CDC20B: variants seen among roughly 807,000 people sequenced by gnomAD.
CDC20B encodes the protein cell division cycle protein 20 homolog B.
In CDC20B, 58 loss-of-function variants were observed where a neutral mutation model predicts 64.1. That is an observed-to-expected ratio of 0.90 (90% CI 0.73 to 1.13). The LOEUF is 1.13. CDC20B is among the 50% of genes most tolerant of loss of function. The probability of loss-of-function intolerance (pLI) is 0.00; values close to 1 mark genes in which losing one functional copy is unlikely to be tolerated. For synonymous variants in CDC20B, 243 were observed against 230.6 expected, an observed-to-expected ratio of 1.05 and a Z score of -0.49; for missense variants, 597 against 633.0, an observed-to-expected ratio of 0.94 and a Z score of 0.61.
intron 3 of CDC20B, 26 bp downstream of exon 3, chr5:55,146,602 G>C: frequency 6.5e-7 from 1 of 1,528,524 alleles, no homozygotes; most frequent in Non-Finnish European, 9.1e-7. Context: ...TTGCAAAACG[G>C]GGCTGTGGCG....
At chr5:55,152,241 G>A (rs542542187) in intron 2 of CDC20B, among the ~76,000 whole-genome samples, 5 of 152,310 alleles carry the variant, frequency 3.3e-5, no homozygotes, top group South Asian at 2.1e-4. Flanking sequence ...TCTGGCCTCC[G>A]TAACTAGAAG....
intron 6 of CDC20B, among the ~76,000 whole-genome samples, chr5:55,131,988 T>C (rs1242690359): frequency 2.0e-5 from 3 of 151,628 alleles, no homozygotes; most frequent in Non-Finnish European, 4.4e-5. Flanking sequence ...GAGAATTGCT[T>C]AAACCCAGGA....
Position 55,146,825 on chromosome 5 carries a change from T to G in CDC20B, c.158A>C (p.Asp53Ala), listed in dbSNP as rs1179986179. 6.2e-7 allele frequency: 1 copy of G among 1,614,090 alleles called. No individual in the cohort carries two copies. Among genetic ancestry groups the G allele is most frequent in the African/African-American group, 1.3e-5 (1 of 75,002 alleles). Reference protein sequence around the residue: ...VLDSVNATYSDFKSNFAKRLS... With the variant: ...VLDSVNATYSAFKSNFAKRLS... The stretch of plus-strand genomic sequence containing the variant: ...CCTCTTCGCAAAGTTGCTCTTAAAG[T>G]CAGAATACGTAGCATTAACTGAATC... The change falls in exon 3 of 12, where the codon GAC becomes GCC. Residue 53 changes from aspartate (D) to alanine (A), a missense_variant. By Grantham distance (126) the Asp-to-Ala change is moderately radical. Around this residue, in one of 3 missense-constraint regions of CDC20B, gnomAD observed 241 missense variants for 219.2 expected, o/e 1.10. Coordinates refer to ENST00000381375, the MANE Select transcript of CDC20B (RefSeq NM_001170402.1).
In CDC20B at chr5:55,131,715, G is replaced by A. The variant is rs143787798; in HGVS notation, c.697+1697C>T. On this transcript the variant is annotated intron_variant, in intron 6 of 11. Coordinates refer to ENST00000381375, the MANE Select transcript of CDC20B (RefSeq NM_001170402.1). ...TTGAGACAATATGGGGAGAGAAATA[G>A]AAAATTATAAGTATAAAGATCTTTT... Among the ~76,000 whole-genome samples the A allele has an allele frequency of 3.8e-3, 579 of 152,270 alleles. 2 individuals carry two copies. Among genetic ancestry groups the A allele is most frequent in the African/African-American group, 0.013 (528 of 41,562 alleles).
At chr5:55,172,520 A>G in intron 2 of CDC20B, 68 bp downstream of exon 2, 1 of 1,252,460 alleles carries the variant, frequency 8.0e-7, no homozygotes, top group Admixed American at 1.7e-5. Context: ...CAAATACATT[A>G]TTTACCAAGA....
chr5:55,165,783 A>C (rs1401793885), intron 2 of CDC20B: 1 of 152,272 alleles, frequency 6.6e-6, no homozygotes. Flanking sequence ...GACTTTAGGC[A>C]AGTCACTTAA....
At chr5:55,121,521 G>GT (rs772555481) in intron 9 of CDC20B, among the ~76,000 whole-genome samples, 2 of 151,518 alleles carry the variant, frequency 1.3e-5, no homozygotes, top group Non-Finnish European at 2.9e-5. Flanking sequence ...TATTTTTTTT[G>GT]TTTTTGTGCG....
At chr5:55,151,485 T>C (rs1743666684) in intron 2 of CDC20B, among the ~76,000 whole-genome samples, 1 of 152,194 alleles carries the variant, frequency 6.6e-6, no homozygotes, top group South Asian at 2.1e-4. Flanking sequence ...AAAAGTTTCC[T>C]TAGAGCAAAA....
chr5:55,146,850 C>G lies in CDC20B; in HGVS notation c.133G>C (p.Asp45His), dbSNP rs752072874. The G allele has an allele frequency of 1.2e-6, 2 of 1,613,612 alleles. No individual in the cohort carries two copies. The highest frequency in any genetic ancestry group is 1.1e-5 in the South Asian group (1 of 91,028). The change falls in exon 3 of 12, where the codon GAT becomes CAT. Residue 45 changes from aspartate to histidine, a missense_variant. Transcript: ENST00000381375. The stretch of plus-strand genomic sequence containing the variant: ...TCAGAATACGTAGCATTAACTGAAT[C>G]GAGTACCTGTTTAACAACAAAAACA... Reference protein sequence around the residue: ...KRSQDSANVLDSVNATYSDFK... With the variant: ...KRSQDSANVLHSVNATYSDFK...
intron 6 of CDC20B, among the ~76,000 whole-genome samples, chr5:55,131,619 G>A (rs1384730097): frequency 1.3e-5 from 2 of 152,216 alleles, no homozygotes; most frequent in South Asian, 2.1e-4. Context: ...TAACAATGAG[G>A]AGTTCTTTGG....
At chr5:55,169,454 T>A (rs1258977873) in intron 2 of CDC20B, among the ~76,000 whole-genome samples, 1 of 152,354 alleles carries the variant, frequency 6.6e-6, no homozygotes, top group Admixed American at 6.5e-5. Context: ...ATACTGCATG[T>A]CTGGAAGCCA....
rs372719335 is a variant in CDC20B at position 55,172,891 on chromosome 5, C to A, written c.63+47G>T. 1.6e-5 allele frequency: 25 copies of A among 1,523,790 alleles called. No individual in the cohort carries two copies. The Middle Eastern group carries it at 5.3e-4, about 33-fold the overall frequency. The allele number at this position is 1,523,790 out of a possible 1,614,324, so 94.4% of individuals were successfully genotyped here. ...CAGATATTATGAACGGGGCCTTCGG[C>A]CCCGCATTAGAGAGTTAGGGAGAAT... On this transcript the variant is annotated intron_variant, in intron 1 of 11. Transcript: ENST00000381375.
chr5:55,135,798 G>A (rs1743148496), intron 5 of CDC20B: 1 of 131,784 alleles, frequency 7.6e-6, no homozygotes, highest in South Asian at 2.4e-4. Flanking sequence ...GCTATCTTTA[G>A]TATTAGTGTA....
chr5:55,138,804 G>C (rs1743253051), intron 5 of CDC20B, among the ~76,000 whole-genome samples: 1 of 149,264 alleles, frequency 6.7e-6, no homozygotes, highest in South Asian at 2.1e-4. Context: ...AAAATAAAAA[G>C]TTTCATAGCG....
Position 55,119,901 on chromosome 5 carries a change from C to A in CDC20B, c.1359G>T (p.Trp453Cys). Reference protein sequence around the residue: ...STNSQICSLIWLPKTKEIATG... With the variant: ...STNSQICSLICLPKTKEIATG... ...TTGCAATCTCCTTTGTCTTAGGTAGCCAGATTAAGGAACAAATCTGTAATA... is the reference window on the plus strand; with the variant it reads ...TTGCAATCTCCTTTGTCTTAGGTAGACAGATTAAGGAACAAATCTGTAATA... The change falls in exon 11 of 12, where the codon TGG (tryptophan) becomes TGT (cysteine). Residue 453 changes from tryptophan to cysteine, a missense_variant. Coordinates refer to ENST00000381375, the MANE Select transcript of CDC20B (RefSeq NM_001170402.1). 1 of 1,610,872 alleles carries A rather than the reference C, an allele frequency of 6.2e-7. No homozygotes were observed. Among genetic ancestry groups the A allele is most frequent in the Non-Finnish European group, 8.5e-7 (1 of 1,177,200 alleles).
intron 6 of CDC20B, among the ~76,000 whole-genome samples, chr5:55,130,404 A>T (rs959809233): frequency 6.6e-6 from 1 of 152,184 alleles, no homozygotes; most frequent in African/African-American, 2.4e-5. Context: ...AAAATCTAAC[A>T]TATGTGTAAG....
intron 2 of CDC20B, chr5:55,160,278 C>T (rs1743970270): frequency 1.2e-6 from 2 of 1,613,580 alleles, no homozygotes; most frequent in East Asian, 4.5e-5. Flanking sequence ...GTTCTATGCA[C>T]AGTAACGCTA....
intron 2 of CDC20B, among the ~76,000 whole-genome samples, chr5:55,152,247 A>G (rs914235191): frequency 9.2e-5 from 14 of 152,214 alleles, no homozygotes; most frequent in Non-Finnish European, 8.8e-5. Flanking sequence ...CTCCGTAACT[A>G]GAAGAGAATA....
chr5:55,123,927 A>G (rs529880929), intron 9 of CDC20B, among the ~76,000 whole-genome samples: 2 of 152,268 alleles, frequency 1.3e-5, no homozygotes, highest in African/African-American at 2.4e-5. Context: ...ATTTCAACCT[A>G]TATTAGGAAG....
Sources: allele counts gnomAD v4.1 joint callset (sites outside exome capture counted in the v4.1 genomes callset), GRCh38; gene constraint gnomAD v4.1.1; regional missense constraint gnomAD v4.1.1; transcripts MANE v1.5; gene names NCBI Gene and HGNC (gene_info 2026-07-23, HGNC 2026-07-21).